BRINP1: variants seen among roughly 807,000 people sequenced by gnomAD.
The protein encoded by BRINP1 is BMP/retinoic acid-inducible neural-specific protein 1.
A neutral mutation model predicts 72.9 loss-of-function variants in BRINP1; 17 were observed. The observed-to-expected ratio is 0.23, with a 90% CI of 0.16 to 0.35. The LOEUF (loss-of-function observed/expected upper bound fraction) is 0.35. Among genes scored for constraint, BRINP1 ranks in the 10% least tolerant of loss-of-function variants. BRINP1 has a pLI of 1.00. For synonymous variants in BRINP1, 418 were observed against 378.5 expected, an observed-to-expected ratio of 1.10 and a Z score of -1.21; for missense variants, 850 against 1,001.6, an observed-to-expected ratio of 0.85 and a Z score of 2.04.
At chr9:119,339,245 T>C (rs1026938403) in intron 1 of BRINP1, among the ~76,000 whole-genome samples, 5 of 152,226 alleles carry the variant, frequency 3.3e-5, no homozygotes, top group Non-Finnish European at 5.9e-5. Context: ...CAAATGAGCA[T>C]GGCTGTGTTC....
At chr9:119,269,723 G>T (rs1229113696) in intron 2 of BRINP1, among the ~76,000 whole-genome samples, 1 of 152,000 alleles carries the variant, frequency 6.6e-6, no homozygotes, top group Non-Finnish European at 1.5e-5. Context: ...GGAGCCAGGA[G>T]GTTTATATAA....
intron 2 of BRINP1, among the ~76,000 whole-genome samples, chr9:119,304,975 C>T (rs190774772): frequency 4.3e-4 from 65 of 152,310 alleles, no homozygotes; most frequent in Non-Finnish European, 7.3e-4. Context: ...CTTTTTGCCC[C>T]CATCAGCCAA....
At chr9:119,198,339 T>C (rs895820721) in intron 7 of BRINP1, among the ~76,000 whole-genome samples, 3 of 152,228 alleles carry the variant, frequency 2.0e-5, no homozygotes, top group African/African-American at 7.2e-5. Context: ...CCCTGGCATC[T>C]GTGTTCTATT....
intron 6 of BRINP1, among the ~76,000 whole-genome samples, chr9:119,209,275 T>A (rs990889852): frequency 6.6e-6 from 1 of 152,154 alleles, no homozygotes; most frequent in Non-Finnish European, 1.5e-5. Flanking sequence ...GTTTTTCACT[T>A]AAAAATTGAA....
chr9:119,228,977 C>T (rs984465686), intron 5 of BRINP1, among the ~76,000 whole-genome samples: 15 of 152,102 alleles, frequency 9.9e-5, no homozygotes, highest in African/African-American at 3.6e-4. Context: ...TTGATTGATT[C>T]ATAAATAAAC....
intron 7 of BRINP1, among the ~76,000 whole-genome samples, chr9:119,176,701 A>AAAAGT (rs1829493815): frequency 6.6e-6 from 1 of 152,184 alleles, no homozygotes; most frequent in Admixed American, 6.5e-5. Flanking sequence ...GGTAATAATA[A>AAAAGT]AAAGTACTCT....
At chr9:119,355,347 G>A (rs1226397629) in intron 1 of BRINP1, among the ~76,000 whole-genome samples, 1 of 152,138 alleles carries the variant, frequency 6.6e-6, no homozygotes, top group Non-Finnish European at 1.5e-5. Flanking sequence ...TATATGTGAG[G>A]CATGTTGCGA....
chr9:119,279,790 G>A (rs1830690264), intron 2 of BRINP1, among the ~76,000 whole-genome samples: 1 of 152,148 alleles, frequency 6.6e-6, no homozygotes, highest in Non-Finnish European at 1.5e-5. Context: ...GCTGGAAATT[G>A]CGTTCATGCC....
intron 5 of BRINP1, among the ~76,000 whole-genome samples, chr9:119,219,813 T>C (rs1432165784): frequency 6.6e-6 from 1 of 152,080 alleles, no homozygotes; most frequent in Non-Finnish European, 1.5e-5. Flanking sequence ...ATTAGGGGTG[T>C]TAAAAGCACT....
chr9:119,239,269 C>T (rs1449002094), intron 4 of BRINP1, among the ~76,000 whole-genome samples: 1 of 152,072 alleles, frequency 6.6e-6, no homozygotes, highest in Non-Finnish European at 1.5e-5. Flanking sequence ...CAAAATGGCT[C>T]TATAAGTTAT....
Position 119,238,758 on chromosome 9 carries a change from G to A in BRINP1, c.582C>T (p.Val194=). The A allele has an allele frequency of 6.3e-7, 1 of 1,588,952 alleles. No homozygotes were observed. The highest frequency in any genetic ancestry group is 1.1e-5 in the South Asian group (1 of 89,430). ...CCAGAGGCCCAGTGCGTGTCTCTGT[G>A]ACCTGCAGTAGATATCAAATAAGAT... ...EIQISTGAIK[V]TETRTGPLGC... The change falls in exon 5 of 8, where the codon GTC becomes GTT. Residue 194 remains valine, a splice_region_variant and synonymous_variant. Coordinates refer to ENST00000265922, the MANE Select transcript of BRINP1 (RefSeq NM_014618.3).
At chr9:119,280,068 A>G (rs1420939106) in intron 2 of BRINP1, among the ~76,000 whole-genome samples, 1 of 152,204 alleles carries the variant, frequency 6.6e-6, no homozygotes, top group Admixed American at 6.5e-5. Flanking sequence ...AGCATAAAGA[A>G]AATAGTAGAT....
chr9:119,238,788 G>A (rs1241658673), intron 4 of BRINP1, 28 bp from the exon 5 acceptor site: 3 of 1,452,144 alleles, frequency 2.1e-6, no homozygotes, highest in African/African-American at 1.4e-5. Context: ...TAAGATAGGT[G>A]TGAGACAGCA....
chr9:119,210,643 A>C (rs544098658), intron 6 of BRINP1, among the ~76,000 whole-genome samples: 2 of 152,052 alleles, frequency 1.3e-5, no homozygotes, highest in South Asian at 4.1e-4. Context: ...GGCTCAGTAC[A>C]TTAGGAGAAA....
intron 5 of BRINP1, among the ~76,000 whole-genome samples, chr9:119,228,990 A>T (rs1830121882): frequency 6.6e-6 from 1 of 152,130 alleles, no homozygotes; most frequent in African/African-American, 2.4e-5. Flanking sequence ...AAATAAACTG[A>T]TCAAACTGAG....
rs1830026766 is a variant in BRINP1 at position 119,220,283 on chromosome 9, T to A, written c.686-6128A>T. 2.6e-5 allele frequency among the ~76,000 whole-genome samples: 4 copies of A among 152,228 alleles called. No homozygotes were observed. In the South Asian group the frequency reaches 8.3e-4, roughly 32 times the overall value. Reference sequence around the variant, plus strand: ...AACTTTAGGGGACCCTCAAGTTGGATCTCTGGAGACCTTCAACAACATTGA... The same window carrying A: ...AACTTTAGGGGACCCTCAAGTTGGAACTCTGGAGACCTTCAACAACATTGA... On this transcript the variant is annotated intron_variant, in intron 5 of 7. Coordinates refer to ENST00000265922, the MANE Select transcript of BRINP1 (RefSeq NM_014618.3).
At chr9:119,226,507 A>AC (rs1830093562) in intron 5 of BRINP1, among the ~76,000 whole-genome samples, 1 of 151,904 alleles carries the variant, frequency 6.6e-6, no homozygotes, top group Non-Finnish European at 1.5e-5. Context: ...ATCAGTTTAT[A>AC]CCCCATCAGT....
chr9:119,347,409 G>A (rs1452073857), intron 1 of BRINP1, among the ~76,000 whole-genome samples: 1 of 152,036 alleles, frequency 6.6e-6, no homozygotes, highest in Non-Finnish European at 1.5e-5. Context: ...TCTTTCACAG[G>A]ATCTTACTTT....
At chr9:119,321,041 C>T (rs1831181075) in intron 1 of BRINP1, among the ~76,000 whole-genome samples, 1 of 152,176 alleles carries the variant, frequency 6.6e-6, no homozygotes, top group Non-Finnish European at 1.5e-5. Context: ...CGCCATTCTC[C>T]TGCCTCAGCT....
Sources: gnomAD v4.1 joint callset for allele counts (sites outside exome capture counted in the v4.1 genomes callset) on GRCh38, gnomAD v4.1.1 for gene constraint, MANE v1.5 for transcripts, NCBI Gene and HGNC (gene_info 2026-07-23, HGNC 2026-07-21) for gene names.